PLA2G7: variants seen among roughly 807,000 people sequenced by gnomAD.
PLA2G7 encodes platelet-activating factor acetylhydrolase.
PLA2G7 carries 63 observed loss-of-function variants against 49.6 expected under a neutral mutation model. That is an observed-to-expected ratio of 1.27 (90% CI 1.04 to 1.57). The LOEUF (loss-of-function observed/expected upper bound fraction) is 1.57, where lower values mean the gene tolerates loss of function less well. Ranked by LOEUF, PLA2G7 falls within the 40% of genes most tolerant of loss-of-function variation. PLA2G7 has a pLI of 0.00. For missense variants in PLA2G7, 596 were observed against 521.2 expected, an observed-to-expected ratio of 1.14 and a Z score of -1.40; for synonymous variants, 193 against 169.9, an observed-to-expected ratio of 1.14 and a Z score of -1.06.
intron 2 of PLA2G7, among the ~76,000 whole-genome samples, chr6:46,719,181 T>C (rs749991870): frequency 7.2e-5 from 11 of 152,236 alleles, no homozygotes; most frequent in Non-Finnish European, 1.2e-4. Flanking sequence ...GATTACTCTC[T>C]GCTAGCCAGC....
chr6:46,711,733 T>C (rs1040128003), intron 6 of PLA2G7, 114 bp from the exon 7 acceptor site: 2 of 1,034,780 alleles, frequency 1.9e-6, no homozygotes, highest in African/African-American at 1.6e-5. Context: ...CTTCCCTTTC[T>C]TCTTCCACTC....
At position 46,704,441 on chromosome 6, in the gene PLA2G7, T is replaced by TTCTC. The variant is rs368946627; in HGVS notation, c.*115_*118dup. The TTCTC allele has an allele frequency of 4.3e-3, 2,376 of 550,832 alleles. 10 individuals carry two copies. Among genetic ancestry groups the TTCTC allele is most frequent in the East Asian group, 0.012 (374 of 30,368 alleles). 34.1% of individuals were successfully genotyped at this position (550,832 alleles called of 1,614,324 possible). A position where few individuals can be genotyped will look rare whatever the true frequency, so the allele number is the denominator to read the frequency against. ...AGTCCTTTGGGAAAATACATTAAAA[T>TTCTC]TCTCTCTCTCTCTCTCTCTCTCTCT... On this transcript the variant is annotated 3_prime_UTR_variant, in exon 12 of 12. Transcript: ENST00000274793.
At chr6:46,732,156 C>A (rs1765753669) in intron 1 of PLA2G7, among the ~76,000 whole-genome samples, 1 of 152,204 alleles carries the variant, frequency 6.6e-6, no homozygotes, top group Non-Finnish European at 1.5e-5. Flanking sequence ...CTCTCCTTCT[C>A]CCTCACCTAA....
chr6:46,705,062 A>C, intron 11 of PLA2G7, 91 bp downstream of exon 11: 1 of 953,982 alleles, frequency 1.0e-6, no homozygotes, highest in Non-Finnish European at 1.7e-6. Context: ...ACCAACTGGA[A>C]ATAGTTTAAA....
chr6:46,729,936 A>G (rs1309313122), intron 1 of PLA2G7, among the ~76,000 whole-genome samples: 1 of 152,242 alleles, frequency 6.6e-6, no homozygotes, highest in Non-Finnish European at 1.5e-5. Context: ...CTGGAAAATA[A>G]GCCCTGAAAG....
At chr6:46,732,070 G>A (rs1765750608) in intron 1 of PLA2G7, among the ~76,000 whole-genome samples, 1 of 152,138 alleles carries the variant, frequency 6.6e-6, no homozygotes. Flanking sequence ...ATTGTAAAGA[G>A]TAAAATCCAA....
chr6:46,734,415 TGAGAGAGAGAGAGAGAGAGA>T (rs70996386), intron 1 of PLA2G7, among the ~76,000 whole-genome samples: 938 of 54,284 alleles, frequency 0.017, 110 homozygotes, highest in South Asian at 0.03. Flanking sequence ...TGTGTGTGTG[TGAGAGAGAGAGAGAGAGAGA>T]GAGAGAGAGA....
chr6:46,707,846 G>T, intron 10 of PLA2G7, 145 bp downstream of exon 10: 1 of 607,578 alleles, frequency 1.6e-6, no homozygotes, highest in Non-Finnish European at 2.9e-6. Context: ...AATGTACTTA[G>T]AAACTGAGAT....
chr6:46,721,561 C>A (rs932611620), intron 2 of PLA2G7, among the ~76,000 whole-genome samples: 22 of 150,954 alleles, frequency 1.5e-4, no homozygotes, highest in Non-Finnish European at 2.7e-4. Flanking sequence ...GATGATTTTC[C>A]CACCATCTAA....
chr6:46,711,293 G>T (rs1168503163), intron 7 of PLA2G7, among the ~76,000 whole-genome samples: 1 of 152,028 alleles, frequency 6.6e-6, no homozygotes, highest in Non-Finnish European at 1.5e-5. Flanking sequence ...CCAAATTTTT[G>T]TATTTGCCTT....
At position 46,722,871 on chromosome 6, in the gene PLA2G7, A is replaced by G; in HGVS notation, c.21T>C (p.His7=). The change falls in exon 2 of 12, where the codon CAT becomes CAC. Residue 7 remains histidine (H), a synonymous_variant. Transcript: ENST00000274793. ...GGCAGCCGCAGAGGCAGAAAAGCAC[A>G]TGCAATTTGGGTGGCACCATCTTGG... MVPPKL[H]VLFCLCGCLA... 1.2e-6 allele frequency: 2 copies of G among 1,613,272 alleles called. No homozygotes were observed. Among genetic ancestry groups the G allele is most frequent in the South Asian group, 1.1e-5 (1 of 91,038 alleles).
chr6:46,722,767 C>G lies in PLA2G7; in HGVS notation c.109+16G>C, dbSNP rs1435463423. 1 of 1,504,132 alleles carries G rather than the reference C, an allele frequency of 6.6e-7. No homozygotes were observed. The highest frequency in any genetic ancestry group is 9.3e-7 in the Non-Finnish European group (1 of 1,079,712). 93.2% of individuals were successfully genotyped at this position (1,504,132 alleles called of 1,614,324 possible). On this transcript the variant is annotated intron_variant, in intron 2 of 11. Coordinates refer to ENST00000274793, the MANE Select transcript of PLA2G7 (RefSeq NM_005084.4). ...CAGATCAGTTGCTCAAGACCTTGAACAAATACACCTCTTACCTGATGATTT... is the reference window on the plus strand; with the variant it reads ...CAGATCAGTTGCTCAAGACCTTGAAGAAATACACCTCTTACCTGATGATTT...
At chr6:46,716,950 T>G (rs768283122) in intron 3 of PLA2G7, 25 bp downstream of exon 3, 5 of 1,608,418 alleles carry the variant, frequency 3.1e-6, no homozygotes, top group Admixed American at 1.7e-5. Flanking sequence ...AGTATCAGGA[T>G]AAGTTGTATA....
rs1765026954 is a variant in PLA2G7 at position 46,711,607 on chromosome 6, T to G, written c.552A>C (p.Ala184=). The G allele has an allele frequency of 6.2e-7, 1 of 1,613,644 alleles. No individual in the cohort carries two copies. Among genetic ancestry groups the G allele is most frequent in the African/African-American group, 1.3e-5 (1 of 75,058 alleles). The change falls in exon 7 of 12, where the codon GCA becomes GCC. Residue 184 remains alanine (A), a synonymous_variant. Transcript: ENST00000274793. ...VAAVEHRDRS[A]SATYYFKDQS... ...GGTCCTTGAAATAGTAAGTTGCAGA[T>G]GCAGATCTATCTCTATAATACAAGC...
At chr6:46,708,363 A>G (rs1764901977) in intron 9 of PLA2G7, among the ~76,000 whole-genome samples, 1 of 152,210 alleles carries the variant, frequency 6.6e-6, no homozygotes, top group Non-Finnish European at 1.5e-5. Flanking sequence ...GGAATTTTAT[A>G]TAATCATTTT....
At chr6:46,721,713 G>A (rs897279533) in intron 2 of PLA2G7, among the ~76,000 whole-genome samples, 4 of 151,194 alleles carry the variant, frequency 2.6e-5, no homozygotes, top group Admixed American at 6.6e-5. Flanking sequence ...TTCCTGATGC[G>A]TTATAGGATG....
At chr6:46,717,702 C>CT (rs1404203688) in intron 2 of PLA2G7, among the ~76,000 whole-genome samples, 1 of 101,670 alleles carries the variant, frequency 9.8e-6, no homozygotes, top group African/African-American at 4.3e-5. Context: ...TATTTTCTTT[C>CT]TTTTTTCTTT....
chr6:46,716,224 C>T (rs762352845), intron 4 of PLA2G7, among the ~76,000 whole-genome samples, 160 bp downstream of exon 4: 7 of 142,270 alleles, frequency 4.9e-5, no homozygotes, highest in Non-Finnish European at 4.7e-5. Flanking sequence ...TTGATTCTGT[C>T]GTAGTTGCCT....
chr6:46,734,861 AG>A (rs1765868504), intron 1 of PLA2G7, among the ~76,000 whole-genome samples: 1 of 152,144 alleles, frequency 6.6e-6, no homozygotes, highest in African/African-American at 2.4e-5. Context: ...AGAGAGAGAG[AG>A]AAAAAAAAGA....
Sources: allele counts gnomAD v4.1 joint callset (sites outside exome capture counted in the v4.1 genomes callset), GRCh38; gene constraint gnomAD v4.1.1; transcripts MANE v1.5; gene names NCBI Gene and HGNC (gene_info 2026-07-23, HGNC 2026-07-21).